WIPI1: variants seen among roughly 807,000 people sequenced by gnomAD.
WIPI1 encodes the protein WD repeat domain phosphoinositide-interacting protein 1.
A neutral mutation model predicts 55.3 loss-of-function variants in WIPI1; 45 were observed. That is an observed-to-expected ratio of 0.81 (90% CI 0.64 to 1.04). The LOEUF is 1.04. WIPI1 is among the 50% of genes least tolerant of loss of function. The pLI, the probability that WIPI1 is intolerant of heterozygous loss-of-function variation, is 0.00. For missense variants in WIPI1, 445 were observed against 559.0 expected (o/e 0.80, Z 2.06); for synonymous variants, 195 against 217.6 (o/e 0.90, Z 0.92).
intron 11 of WIPI1, among the ~76,000 whole-genome samples, chr17:68,426,412 T>C: frequency 6.6e-6 from 1 of 152,212 alleles, no homozygotes; most frequent in Non-Finnish European, 1.5e-5. Flanking sequence ...GAATTTTTCT[T>C]TGTTGAGGTA....
chr17:68,426,242 T>TC, intron 11 of WIPI1, 67 bp from the exon 12 acceptor site: 4 of 669,004 alleles, frequency 6.0e-6, no homozygotes, highest in Non-Finnish European at 8.8e-6. Context: ...ACCTGGCGGG[T>TC]GGGGAGCGGG....
chr17:68,436,392 C>A lies in WIPI1; in HGVS notation c.518G>T (p.Gly173Val). ...LTSGEIVLYD[G>V]NSLKTVCTIA... ...TCACCGTCAACTTACCAGGGAGTTTCCATCATAAAGCACAATCTCCCCTGA... is the reference window on the plus strand; with the variant it reads ...TCACCGTCAACTTACCAGGGAGTTTACATCATAAAGCACAATCTCCCCTGA... The change falls in exon 5 of 13, where the codon GGA (glycine) becomes GTA (valine). Residue 173 changes from glycine to valine, a missense_variant. Gly to Val is a moderately radical substitution (Grantham distance 109). Coordinates refer to ENST00000262139, the MANE Select transcript of WIPI1 (RefSeq NM_017983.7). The A allele has an allele frequency of 6.2e-7, 1 of 1,613,854 alleles. No homozygotes were observed. Among genetic ancestry groups the A allele is most frequent in the Non-Finnish European group, 8.5e-7 (1 of 1,179,782 alleles).
intron 3 of WIPI1, among the ~76,000 whole-genome samples, chr17:68,448,740 T>C (rs781725562): frequency 3.3e-5 from 5 of 152,246 alleles, no homozygotes; most frequent in African/African-American, 4.8e-5. Flanking sequence ...TTTAACCTTG[T>C]ATACGGATTA....
intron 9 of WIPI1, among the ~76,000 whole-genome samples, chr17:68,429,745 T>C (rs947008006): frequency 2.0e-5 from 3 of 152,038 alleles, no homozygotes; most frequent in Non-Finnish European, 4.4e-5. Context: ...CGCACCACCA[T>C]ACCCGGCTAA....
At position 68,457,423 on chromosome 17, in the gene WIPI1, G is replaced by C; in HGVS notation, c.-2C>G. 1 of 1,477,644 alleles carries C rather than the reference G, an allele frequency of 6.8e-7. No individual in the cohort carries two copies. Among genetic ancestry groups the C allele is most frequent in the Non-Finnish European group, 9.0e-7 (1 of 1,113,426 alleles). 91.5% of individuals were successfully genotyped at this position (1,477,644 alleles called of 1,614,324 possible). A position where few individuals can be genotyped will look rare whatever the true frequency, so the allele number is the denominator to read the frequency against. On this transcript the variant is annotated 5_prime_UTR_variant, in exon 1 of 13. Coordinates refer to ENST00000262139, the MANE Select transcript of WIPI1 (RefSeq NM_017983.7). ...AGCGTCCGCGGCCTCGGCCTCCATC[G>C]GGGGCTCGGCCCGGGAAGCCGCAGC...
chr17:68,435,034 C>T (rs1685434338), intron 6 of WIPI1, among the ~76,000 whole-genome samples: 1 of 152,040 alleles, frequency 6.6e-6, no homozygotes, highest in South Asian at 2.1e-4. Context: ...AAGTGAAACC[C>T]CGTCTCCACT....
At position 68,457,341 on chromosome 17, in the gene WIPI1, C is replaced by A. The variant is rs1353154906; in HGVS notation, c.80+1G>T. On this transcript the variant is annotated splice_donor_variant, in intron 1 of 12. Transcript: ENST00000262139. LOFTEE classifies it high-confidence loss of function. ...CTGGCAGGGGCCGAGTCGCAGCTTACGTGCAGTCCTGGTTGAAAGAGAAGC... is the reference window on the plus strand; with the variant it reads ...CTGGCAGGGGCCGAGTCGCAGCTTAAGTGCAGTCCTGGTTGAAAGAGAAGC... The A allele has an allele frequency of 5.8e-6, 9 of 1,545,658 alleles. No individual in the cohort carries two copies. Among genetic ancestry groups the A allele is most frequent in the Non-Finnish European group, 7.9e-6 (9 of 1,145,318 alleles).
At position 68,436,478 on chromosome 17, in the gene WIPI1, A is replaced by T; in HGVS notation, c.432T>A (p.Gly144=). 1.2e-6 allele frequency: 2 copies of T among 1,613,740 alleles called. No individual in the cohort carries two copies. The highest frequency in any genetic ancestry group is 1.7e-6 in the Non-Finnish European group (2 of 1,179,720). The part of the protein sequence containing the change: ...TLLDIPANPT[G]LCALSINHSN... ...AATGGTTGATAGAGAGAGCACATAG[A>T]CCTGGCAAAGAAGAAACAGAACATG... Residue 144 remains glycine (G), a splice_region_variant and synonymous_variant, in exon 5 of 13, where the codon GGT becomes GGA. Transcript: ENST00000262139.
intron 12 of WIPI1, chr17:68,422,731 C>CAAAAAAAAA (rs71142175): frequency 1.5e-5 from 1 of 66,432 alleles, no homozygotes; most frequent in Admixed American, 2.1e-4. Context: ...TCTATCATCT[C>CAAAAAAAAA]AAAAAAAAAA....
At chr17:68,430,384 G>C (rs969362977) in intron 8 of WIPI1, among the ~76,000 whole-genome samples, 66 of 152,226 alleles carry the variant, frequency 4.3e-4, no homozygotes, top group African/African-American at 1.5e-3. Context: ...TTGTAAAGCT[G>C]TTAAAAGGTT....
At chr17:68,450,285 A>G (rs2084447653) in intron 3 of WIPI1, among the ~76,000 whole-genome samples, 1 of 152,218 alleles carries the variant, frequency 6.6e-6, no homozygotes, top group Admixed American at 6.5e-5. Context: ...TTCCTGACCC[A>G]GGGAGCCCCC....
At chr17:68,452,394 G>A (rs1404268366) in intron 2 of WIPI1, among the ~76,000 whole-genome samples, 4 of 152,148 alleles carry the variant, frequency 2.6e-5, no homozygotes, top group African/African-American at 4.8e-5. Flanking sequence ...GTGAAACCCC[G>A]TCTCTACTAA....
intron 3 of WIPI1, among the ~76,000 whole-genome samples, chr17:68,449,641 C>T (rs891732241): frequency 6.6e-6 from 1 of 152,176 alleles, no homozygotes; most frequent in Non-Finnish European, 1.5e-5. Flanking sequence ...TGGTCCTGCT[C>T]CTGCCACGTA....
intron 11 of WIPI1, 61 bp from the exon 12 acceptor site, chr17:68,426,236 G>A (rs2083168715): frequency 3.3e-6 from 4 of 1,228,378 alleles, no homozygotes; most frequent in Non-Finnish European, 4.7e-6. Context: ...GCCATGACCT[G>A]GCGGGTGGGG....
At chr17:68,456,810 G>GA (rs1346454947) in intron 1 of WIPI1, among the ~76,000 whole-genome samples, 3 of 152,206 alleles carry the variant, frequency 2.0e-5, no homozygotes, top group African/African-American at 7.2e-5. Context: ...TGGGACAGGG[G>GA]CTGGCCTGGC....
rs572702528 is a variant in WIPI1 at position 68,455,815 on chromosome 17, G to A, written c.80+1527C>T. Among the ~76,000 whole-genome samples the A allele has an allele frequency of 5.9e-5, 9 of 152,294 alleles. No homozygotes were observed. The East Asian group carries it at 1.7e-3, about 29-fold the overall frequency. ...AACACCCTTTTTTGTCAAATCTAATGATGTTACAAAGCAGAATTTAGAACA... is the reference window on the plus strand; with the variant it reads ...AACACCCTTTTTTGTCAAATCTAATAATGTTACAAAGCAGAATTTAGAACA... On this transcript the variant is annotated intron_variant, in intron 1 of 12. Transcript: ENST00000262139.
At chr17:68,428,770 G>A in intron 10 of WIPI1, 59 bp downstream of exon 10, 3 of 1,356,414 alleles carry the variant, frequency 2.2e-6, no homozygotes, top group South Asian at 1.2e-5. Flanking sequence ...TCTTGGCGAA[G>A]GGACAACTCT....
At chr17:68,430,262 G>A in intron 8 of WIPI1, 102 bp from the exon 9 acceptor site, 2 of 1,197,974 alleles carry the variant, frequency 1.7e-6, no homozygotes, top group East Asian at 2.4e-5. Flanking sequence ...CCCCGCAGCA[G>A]GGAGAGACTG....
chr17:68,450,623 G>C, intron 3 of WIPI1, 105 bp downstream of exon 3: 1 of 1,419,302 alleles, frequency 7.0e-7, no homozygotes, highest in African/African-American at 1.4e-5. Context: ...ATTCTCATTA[G>C]AATTGGAAGC....
Sources: allele counts gnomAD v4.1 joint callset (sites outside exome capture counted in the v4.1 genomes callset), GRCh38; gene constraint gnomAD v4.1.1; transcripts MANE v1.5; gene names NCBI Gene and HGNC (gene_info 2026-07-23, HGNC 2026-07-21).